The following UTP4 variants were observed in gnomAD, a reference collection of about 807,000 sequenced individuals.
The protein encoded by UTP4 is UTP4 small subunit processome component, also known as U3 small nucleolar RNA-associated protein 4 homolog.
Under a neutral mutation model 82.4 loss-of-function variants are expected in UTP4, and 45 were observed. That is an observed-to-expected ratio of 0.55 (90% CI 0.43 to 0.70). UTP4 has a LOEUF of 0.70. Ranked by LOEUF, UTP4 falls within the 30% of genes least tolerant of loss-of-function variation. The pLI is 0.00. For synonymous variants in UTP4, 348 were observed against 300.3 expected, an observed-to-expected ratio of 1.16 and a Z score of -1.64; for missense variants, 819 against 858.3, an observed-to-expected ratio of 0.95 and a Z score of 0.57.
chr16:69,161,724 G>T (rs1963565487), intron 13 of UTP4, among the ~76,000 whole-genome samples: 1 of 152,168 alleles, frequency 6.6e-6, no homozygotes, highest in African/African-American at 2.4e-5. Flanking sequence ...GAGTGCAGTG[G>T]CACAGTCACA....
chr16:69,168,740 A>G (rs1187946919), intron 16 of UTP4, 81 bp from the exon 17 acceptor site: 2 of 870,448 alleles, frequency 2.3e-6, no homozygotes, highest in South Asian at 1.3e-5. Flanking sequence ...TTTAGCTTAG[A>G]TGGTGTCTAC....
At chr16:69,159,728 C>T (rs1963515301) in intron 12 of UTP4, among the ~76,000 whole-genome samples, 1 of 151,890 alleles carries the variant, frequency 6.6e-6, no homozygotes, top group Non-Finnish European at 1.5e-5. Context: ...TGGCTCACGC[C>T]TGTAATCCCA....
At chr16:69,157,370 G>A (rs1963446928) in intron 12 of UTP4, 130 bp downstream of exon 12, 2 of 907,868 alleles carry the variant, frequency 2.2e-6, no homozygotes, top group Admixed American at 2.0e-5. Context: ...TCACATGTTT[G>A]CTGTTTCAAG....
At chr16:69,141,106 A>G (rs1000136796) in intron 5 of UTP4, among the ~76,000 whole-genome samples, 1 of 152,216 alleles carries the variant, frequency 6.6e-6, no homozygotes, top group Non-Finnish European at 1.5e-5. Flanking sequence ...ATTAGGTTCA[A>G]GTCCATCTGA....
chr16:69,145,303 C>T (rs1034167100), intron 6 of UTP4, among the ~76,000 whole-genome samples: 1 of 152,064 alleles, frequency 6.6e-6, no homozygotes. Flanking sequence ...CTCTGTCTCC[C>T]AGGCTGGAGT....
chr16:69,133,723 C>A, intron 2 of UTP4, 105 bp downstream of exon 2: 1 of 1,226,644 alleles, frequency 8.2e-7, no homozygotes, highest in Non-Finnish European at 1.2e-6. Context: ...GACTTCCTAG[C>A]CCCTCTGAAG....
intron 8 of UTP4, among the ~76,000 whole-genome samples, 197 bp from the exon 9 acceptor site, chr16:69,153,387 C>T (rs1388562417): frequency 6.6e-6 from 1 of 152,170 alleles, no homozygotes; most frequent in Non-Finnish European, 1.5e-5. Flanking sequence ...ATGTTGAGAG[C>T]AGTAGCTATG....
rs550579315 is a variant in UTP4 at position 69,168,985 on chromosome 16, T to C, written c.*48T>C. 3 of 1,144,858 alleles carry C rather than the reference T, an allele frequency of 2.6e-6. No homozygotes were observed. In the East Asian group the frequency reaches 7.0e-5, roughly 27 times the overall value. 70.9% of individuals were successfully genotyped at this position (1,144,858 alleles called of 1,614,324 possible). A position where few individuals can be genotyped will look rare whatever the true frequency, so the allele number is the denominator to read the frequency against. On this transcript the variant is annotated 3_prime_UTR_variant, in exon 17 of 17. Coordinates refer to ENST00000314423, the MANE Select transcript of UTP4 (RefSeq NM_032830.3). Reference sequence around the variant, plus strand: ...TCCTTGAACTGTCTACCCTGTTGCTTTTCACAAATCATGGTAATAAAACAA... The same window carrying C: ...TCCTTGAACTGTCTACCCTGTTGCTCTTCACAAATCATGGTAATAAAACAA...
At position 69,132,679 on chromosome 16, in the gene UTP4, T is replaced by A; in HGVS notation, c.-13T>A. The stretch of plus-strand genomic sequence containing the variant: ...GAGGCGAGCACCGGGAAGGGGAGCG[T>A]GGGGCCGCTGGTGAGTTGGGGAAGG... On this transcript the variant is annotated 5_prime_UTR_variant, in exon 1 of 17. Transcript: ENST00000314423. 1 of 326,058 alleles carries A rather than the reference T, an allele frequency of 3.1e-6. No homozygotes were observed. Among genetic ancestry groups the A allele is most frequent in the Non-Finnish European group, 6.0e-6 (1 of 167,400 alleles). The allele number at this position is 326,058 out of a possible 1,614,324, so 20.2% of individuals were successfully genotyped here.
chr16:69,137,724 G>C (rs184778917), intron 3 of UTP4, 77 bp from the exon 4 acceptor site: 8 of 814,012 alleles, frequency 9.8e-6, no homozygotes, highest in Admixed American at 3.6e-5. Context: ...GTGTGTGTTG[G>C]GGGGTGTGTG....
intron 6 of UTP4, among the ~76,000 whole-genome samples, chr16:69,147,001 CAAA>C (rs71148965): frequency 1.0e-4 from 9 of 85,780 alleles, no homozygotes; most frequent in East Asian, 3.6e-4. Context: ...GACTCTGCCT[CAAA>C]AAAAAAAAAA....
chr16:69,145,800 G>T (rs969020470), intron 6 of UTP4, among the ~76,000 whole-genome samples: 15 of 152,156 alleles, frequency 9.9e-5, no homozygotes, highest in African/African-American at 3.6e-4. Context: ...GGTTAAGGCA[G>T]TGTGGTGTTC....
Position 69,154,446 on chromosome 16 carries a change from C to T in UTP4, c.1153C>T (p.Leu385=), listed in dbSNP as rs963647109. Residue 385 remains leucine, a synonymous_variant, in exon 10 of 17, where the codon CTA becomes TTA. Coordinates refer to ENST00000314423, the MANE Select transcript of UTP4 (RefSeq NM_032830.3). The part of the protein sequence containing the change: ...LSKNADHLLH[L]KTKGPENIIC... ...TAAAAATGCAGATCATTTACTGCAC[C>T]TAAAGACAAAGGTAAGGAAGTTTGT... 1 of 1,611,320 alleles carries T rather than the reference C, an allele frequency of 6.2e-7. No individual in the cohort carries two copies. Among genetic ancestry groups the T allele is most frequent in the Non-Finnish European group, 8.5e-7 (1 of 1,177,564 alleles).
In UTP4 at chr16:69,146,593, G is replaced by A. The variant is rs753175266; in HGVS notation, c.738+3204G>A. Among the ~76,000 whole-genome samples the A allele has an allele frequency of 4.3e-4, 66 of 152,168 alleles. 1 individual carries two copies. Among genetic ancestry groups the A allele is most frequent in the Non-Finnish European group, 7.9e-4 (54 of 68,016 alleles). ...ATGCTGCTCTAGGCCAGGTGCGGTG[G>A]CTCACGCCTGTAATCCCAGCACTTT... On this transcript the variant is annotated intron_variant, in intron 6 of 16. Transcript: ENST00000314423.
chr16:69,133,159 TGAG>T (rs1177765462), intron 1 of UTP4: 8 of 417,696 alleles, frequency 1.9e-5, no homozygotes, highest in Non-Finnish European at 2.7e-5. Flanking sequence ...GCAATAGAGT[TGAG>T]GAGAGATGCT....
chr16:69,139,502 G>A (rs1171300084), intron 4 of UTP4, among the ~76,000 whole-genome samples: 1 of 151,622 alleles, frequency 6.6e-6, no homozygotes, highest in Non-Finnish European at 1.5e-5. Context: ...AGCCAGACAT[G>A]GTGGCAGGTG....
intron 13 of UTP4, among the ~76,000 whole-genome samples, 180 bp from the exon 14 acceptor site, chr16:69,162,903 A>G (rs982299852): frequency 4.6e-5 from 7 of 151,900 alleles, no homozygotes; most frequent in African/African-American, 1.5e-4. Flanking sequence ...AAAAAAAAAA[A>G]AGAGAAGAAA....
chr16:69,138,751 G>A (rs1597133800), intron 4 of UTP4, among the ~76,000 whole-genome samples: 1 of 152,242 alleles, frequency 6.6e-6, no homozygotes, highest in Admixed American at 6.5e-5. Flanking sequence ...TAGTGCAAAA[G>A]CAGCCATAGA....
rs1340300223 is a variant in UTP4, at chr16:69,136,678, G to C, written c.160-18G>C. The stretch of plus-strand genomic sequence containing the variant: ...GATGAATTTGTGGTAATGTTGAGAA[G>C]TTATGGTGTTTCTGCAGTTTTTCCC... On this transcript the variant is annotated intron_variant, in intron 2 of 16. Transcript: ENST00000314423. 1.2e-6 allele frequency: 2 copies of C among 1,613,738 alleles called. No individual in the cohort carries two copies. Among genetic ancestry groups the C allele is most frequent in the Non-Finnish European group, 1.7e-6 (2 of 1,179,708 alleles).
Sources: allele counts gnomAD v4.1 joint callset (sites outside exome capture counted in the v4.1 genomes callset), GRCh38; gene constraint gnomAD v4.1.1; transcripts MANE v1.5; gene names NCBI Gene and HGNC (gene_info 2026-07-23, HGNC 2026-07-21).